Variants in ANXA11 observed in about 807,000 individuals in gnomAD.
ANXA11 encodes 56 kDa autoantigen.
In ANXA11, 57 loss-of-function variants were observed where a neutral mutation model predicts 64.7. The ratio of observed to expected loss-of-function variants is 0.88; its 90% CI spans 0.71 to 1.10. The LOEUF (loss-of-function observed/expected upper bound fraction) is 1.10. Ranked by LOEUF, ANXA11 falls within the 50% of genes least tolerant of loss-of-function variation. ANXA11 has a pLI of 0.00. For missense variants in ANXA11, 675 were observed against 670.7 expected (o/e 1.01, Z -0.07); for synonymous variants, 260 against 265.2 (o/e 0.98, Z 0.19).
chr10:80,155,754 G>T lies in ANXA11; in HGVS notation c.*99C>A. 8.5e-7 allele frequency: 1 copy of T among 1,176,602 alleles called. No individual in the cohort carries two copies. The highest frequency in any genetic ancestry group is 1.3e-6 in the Non-Finnish European group (1 of 789,814). 72.9% of individuals were successfully genotyped at this position (1,176,602 alleles called of 1,614,324 possible). On this transcript the variant is annotated 3_prime_UTR_variant, in exon 16 of 16. Transcript: ENST00000422982. ...CCTAAGCTCTAGGACGGTGAATCTC[G>T]GGGCTATTTGTGGATTTGTTAGAAA...
chr10:80,201,275 C>G (rs1463254094), intron 1 of ANXA11, among the ~76,000 whole-genome samples: 1 of 152,108 alleles, frequency 6.6e-6, no homozygotes, highest in East Asian at 1.9e-4. Flanking sequence ...CCCTGGGATA[C>G]AACTCTGTCC....
At chr10:80,170,374 T>C (rs1263974257) in intron 4 of ANXA11, among the ~76,000 whole-genome samples, 1 of 152,182 alleles carries the variant, frequency 6.6e-6, no homozygotes, top group Non-Finnish European at 1.5e-5. Flanking sequence ...ATTTAAAAAG[T>C]AGCATGTCTG....
At chr10:80,175,299 G>C (rs753367229) in intron 2 of ANXA11, among the ~76,000 whole-genome samples, 1 of 152,204 alleles carries the variant, frequency 6.6e-6, no homozygotes, top group Non-Finnish European at 1.5e-5. Context: ...CTGCCCGACA[G>C]GTGAGCAGGA....
In ANXA11 at chr10:80,166,115, A is replaced by T. The variant is rs2132398640; in HGVS notation, c.827T>A (p.Phe276Tyr). Residue 276 changes from phenylalanine (F) to tyrosine (Y), a missense_variant, in exon 8 of 16, where the codon TTT (phenylalanine) becomes TAT (tyrosine). Physicochemically the swap from Phe to Tyr is conservative, Grantham distance 22. Coordinates refer to ENST00000422982, the MANE Select transcript of ANXA11 (RefSeq NM_145868.2). Reference sequence around the variant, plus strand: ...GGCTTCCTTTATCTCATAAATGTCAAAGAGGACTGGGGTCTTCATCAGAGC... The same window carrying T: ...GGCTTCCTTTATCTCATAAATGTCATAGAGGACTGGGGTCTTCATCAGAGC... ...ILALMKTPVL[F>Y]DIYEIKEAIK... is the part of the protein sequence containing the mutation. The T allele has an allele frequency of 6.2e-7, 1 of 1,611,668 alleles. No homozygotes were observed.
In ANXA11 at chr10:80,161,950, C is replaced by T; in HGVS notation, c.1165G>A (p.Ala389Thr). The T allele has an allele frequency of 1.2e-6, 2 of 1,611,970 alleles. No homozygotes were observed. The highest frequency in any genetic ancestry group is 8.5e-7 in the Non-Finnish European group (1 of 1,179,392). ...CCTGCCTTACCTGCTACCAGGTGGG[C>T]CCGGCTCCGGGAGCACAGAACCGCA... is the stretch of plus-strand genomic sequence containing the variant. Reference protein sequence around the residue: ...FNAVLCSRSRAHLVAVFNEYQ... With the variant: ...FNAVLCSRSRTHLVAVFNEYQ... The change falls in exon 12 of 16, where the codon GCC becomes ACC. Residue 389 changes from alanine to threonine, a missense_variant. Transcript: ENST00000422982.
chr10:80,195,904 T>C (rs1840139373), intron 1 of ANXA11: 1 of 152,270 alleles, frequency 6.6e-6, no homozygotes, highest in Non-Finnish European at 1.5e-5. Flanking sequence ...ACCTGCCCCA[T>C]TCAGTTACCT....
intron 1 of ANXA11, among the ~76,000 whole-genome samples, chr10:80,180,284 T>C (rs1846309918): frequency 6.6e-6 from 1 of 152,158 alleles, no homozygotes; most frequent in Non-Finnish European, 1.5e-5. Context: ...GGTGGAGATA[T>C]GGGCTCCAGC....
At chr10:80,205,606 C>T (rs2132524119), upstream of ANXA11, 1 of 152,112 alleles carries the variant, frequency 6.6e-6, no homozygotes, top group South Asian at 2.1e-4. Context: ...CGGCCCCGCC[C>T]CCAAGATGAG....
At chr10:80,159,051 C>G (rs1360909354) in intron 13 of ANXA11, 49 bp downstream of exon 13, 1 of 1,416,236 alleles carries the variant, frequency 7.1e-7, no homozygotes, top group South Asian at 1.2e-5. Context: ...TGAACACTCA[C>G]GATACACGTT....
intron 3 of ANXA11, 109 bp downstream of exon 3, chr10:80,172,688 CTGCTGGGCCG>C: frequency 9.5e-7 from 1 of 1,055,254 alleles, no homozygotes; most frequent in Middle Eastern, 2.9e-4. Flanking sequence ...CTCTCCTCCC[CTGCTGGGCCG>C]TGCTGTGAGG....
At chr10:80,172,610 C>G (rs1207985068) in intron 3 of ANXA11, among the ~76,000 whole-genome samples, 197 bp downstream of exon 3, 1 of 152,138 alleles carries the variant, frequency 6.6e-6, no homozygotes, top group Non-Finnish European at 1.5e-5. Context: ...CCTAGGCCTC[C>G]GATGGCCTTA....
At chr10:80,187,641 C>T (rs61860045) in intron 1 of ANXA11, among the ~76,000 whole-genome samples, 17,216 of 152,118 alleles carry the variant, frequency 0.11, 1,191 homozygotes, top group South Asian at 0.24. Flanking sequence ...GTGGCAGGGG[C>T]GGGGAGGAGA....
chr10:80,158,292 G>A (rs1028838816), intron 13 of ANXA11, among the ~76,000 whole-genome samples: 1 of 152,178 alleles, frequency 6.6e-6, no homozygotes, highest in African/African-American at 2.4e-5. Flanking sequence ...GAGGGGCGGG[G>A]GTCTTAGTGG....
At chr10:80,196,716 C>A (rs925474165) in intron 1 of ANXA11, among the ~76,000 whole-genome samples, 1 of 152,208 alleles carries the variant, frequency 6.6e-6, no homozygotes, top group Non-Finnish European at 1.5e-5. Flanking sequence ...CTCCACCAAC[C>A]CTGACCATAT....
At chr10:80,163,111 T>C (rs999996786) in intron 11 of ANXA11, among the ~76,000 whole-genome samples, 4 of 152,166 alleles carry the variant, frequency 2.6e-5, no homozygotes, top group Non-Finnish European at 5.9e-5. Flanking sequence ...CTATCAACTA[T>C]CGAAATACTA....
chr10:80,158,785 C>T (rs980550487), intron 13 of ANXA11, among the ~76,000 whole-genome samples: 1 of 152,168 alleles, frequency 6.6e-6, no homozygotes, highest in Non-Finnish European at 1.5e-5. Context: ...TTAGAGGAAA[C>T]GTGGCAGGAT....
chr10:80,166,879 C>T lies in ANXA11; in HGVS notation c.744+11G>A. The stretch of plus-strand genomic sequence containing the variant: ...CGCCTCACTGTCCCGCGCCCCCACC[C>T]CGCAGCTCGCCTTGCCGTAAGCCGT... On this transcript the variant is annotated intron_variant, in intron 7 of 15. Coordinates refer to ENST00000422982, the MANE Select transcript of ANXA11 (RefSeq NM_145868.2). 1 of 1,596,842 alleles carries T rather than the reference C, an allele frequency of 6.3e-7. No homozygotes were observed. Among genetic ancestry groups the T allele is most frequent in the Admixed American group, 1.7e-5 (1 of 58,410 alleles).
intron 3 of ANXA11, chr10:80,171,290 T>G: frequency 9.3e-7 from 1 of 1,070,918 alleles, no homozygotes; most frequent in Non-Finnish European, 1.1e-6. Context: ...ATGACAGAGG[T>G]GACCATAGGG....
intron 11 of ANXA11, among the ~76,000 whole-genome samples, chr10:80,163,016 T>C (rs1845574905): frequency 6.6e-6 from 1 of 152,200 alleles, no homozygotes; most frequent in Non-Finnish European, 1.5e-5. Context: ...GTGCAAATTT[T>C]GCCCCTTTGC....
Sources: allele counts gnomAD v4.1 joint callset (sites outside exome capture counted in the v4.1 genomes callset), GRCh38; gene constraint gnomAD v4.1.1; transcripts MANE v1.5; gene names NCBI Gene and HGNC (gene_info 2026-07-23, HGNC 2026-07-21).